Variants in C1orf105 observed in about 807,000 individuals in gnomAD.
C1orf105 encodes uncharacterized protein C1orf105.
Under a neutral mutation model 20.8 loss-of-function variants are expected in C1orf105, and 17 were observed. The ratio of observed to expected loss-of-function variants is 0.82; its 90% CI spans 0.56 to 1.23. The LOEUF (loss-of-function observed/expected upper bound fraction) is 1.23, where lower values mean the gene tolerates loss of function less well. C1orf105 is among the 50% of genes most tolerant of loss of function. The probability of loss-of-function intolerance (pLI) is 0.00; values close to 1 mark genes in which losing one functional copy is unlikely to be tolerated. For synonymous variants in C1orf105, 72 were observed against 72.1 expected, an observed-to-expected ratio of 1.00 and a Z score of 0.01; for missense variants, 219 against 213.5, an observed-to-expected ratio of 1.03 and a Z score of -0.16.
intron 1 of C1orf105, among the ~76,000 whole-genome samples, chr1:172,425,007 G>A (rs768227318): frequency 3.3e-5 from 5 of 152,194 alleles, no homozygotes; most frequent in Admixed American, 1.3e-4. Flanking sequence ...GCCAGGTTTC[G>A]TGGGAGCCTG....
Position 172,420,747 on chromosome 1 carries a change from G to A in C1orf105, c.-139G>A. On this transcript the variant is annotated 5_prime_UTR_variant, in exon 1 of 7. Transcript: ENST00000367727. The stretch of plus-strand genomic sequence containing the variant: ...CATACTGGTATTGAAACTGTAAACT[G>A]GCCTGTTTACTTCGTCTCCTAACAA... 1 of 737,216 alleles carries A rather than the reference G, an allele frequency of 1.4e-6. No individual in the cohort carries two copies. The highest frequency in any genetic ancestry group is 2.3e-6 in the Non-Finnish European group (1 of 427,752). The allele number at this position is 737,216 out of a possible 1,614,324, so 45.7% of individuals were successfully genotyped here. A position where few individuals can be genotyped will look rare whatever the true frequency, so the allele number is the denominator to read the frequency against.
At chr1:172,447,941 A>G (rs1002100044) in intron 2 of C1orf105, among the ~76,000 whole-genome samples, 1 of 152,222 alleles carries the variant, frequency 6.6e-6, no homozygotes, top group African/African-American at 2.4e-5. Flanking sequence ...TTGCAACATC[A>G]CTGCTTCAAC....
intron 1 of C1orf105, chr1:172,441,846 C>A: frequency 1.9e-6 from 3 of 1,614,148 alleles, no homozygotes; most frequent in Non-Finnish European, 2.5e-6. Context: ...ATGAGATAGA[C>A]ATCAGCAGAA....
intron 5 of C1orf105, 86 bp downstream of exon 5, chr1:172,462,331 G>A (rs1392989421): frequency 7.0e-5 from 72 of 1,021,882 alleles, no homozygotes; most frequent in Non-Finnish European, 5.7e-6. Flanking sequence ...CCTAGTAAGA[G>A]GAATGTTTAA....
intron 1 of C1orf105, among the ~76,000 whole-genome samples, chr1:172,440,892 A>G (rs1215666230): frequency 1.3e-5 from 2 of 152,256 alleles, no homozygotes; most frequent in African/African-American, 4.8e-5. Flanking sequence ...ATGCAGCACA[A>G]TAGCAGGTGT....
intron 1 of C1orf105, among the ~76,000 whole-genome samples, chr1:172,433,108 G>T (rs995348694): frequency 3.9e-5 from 6 of 152,194 alleles, no homozygotes; most frequent in Non-Finnish European, 8.8e-5. Context: ...CAAGAAATAT[G>T]GGACTATGTG....
intron 1 of C1orf105, among the ~76,000 whole-genome samples, chr1:172,429,996 A>G (rs989692686): frequency 6.6e-6 from 1 of 152,206 alleles, no homozygotes; most frequent in Non-Finnish European, 1.5e-5. Flanking sequence ...ACTTAGAGTG[A>G]TAAGAAGCAG....
chr1:172,425,377 A>T (rs1421013919), intron 1 of C1orf105, among the ~76,000 whole-genome samples: 1 of 152,170 alleles, frequency 6.6e-6, no homozygotes, highest in African/African-American at 2.4e-5. Context: ...GAGGAAAATG[A>T]TGTTTTAATT....
intron 3 of C1orf105, chr1:172,452,905 C>T (rs1459198281): frequency 6.7e-7 from 1 of 1,495,690 alleles, no homozygotes; most frequent in African/African-American, 1.4e-5. Context: ...ACAATTCCCT[C>T]TCCATTCCTG....
chr1:172,444,580 G>A (rs1647760693), intron 1 of C1orf105, among the ~76,000 whole-genome samples: 1 of 152,118 alleles, frequency 6.6e-6, no homozygotes, highest in East Asian at 1.9e-4. Context: ...CAAATCTAAG[G>A]CTCAGATAAG....
intron 1 of C1orf105, among the ~76,000 whole-genome samples, chr1:172,438,126 GAA>G (rs59822239): frequency 1.3e-5 from 2 of 148,570 alleles, no homozygotes; most frequent in Non-Finnish European, 3.0e-5. Context: ...CTACTGCTCA[GAA>G]AAAAAAAAGA....
chr1:172,430,187 T>C, intron 1 of C1orf105: 1 of 547,062 alleles, frequency 1.8e-6, no homozygotes, highest in Non-Finnish European at 3.3e-6. Flanking sequence ...ACTTGCACCC[T>C]TTCAGTGTGG....
At chr1:172,455,742 C>T (rs1321446299) in intron 3 of C1orf105, among the ~76,000 whole-genome samples, 2 of 152,200 alleles carry the variant, frequency 1.3e-5, no homozygotes, top group African/African-American at 2.4e-5. Flanking sequence ...TGCTTCTTCA[C>T]CTACTGAGAC....
chr1:172,425,702 TGAG>T (rs1386386372), intron 1 of C1orf105, among the ~76,000 whole-genome samples: 4 of 152,214 alleles, frequency 2.6e-5, no homozygotes, highest in Non-Finnish European at 4.4e-5. Flanking sequence ...TGCACTGTTC[TGAG>T]GAGGTTTGTG....
chr1:172,453,702 G>A (rs1281442563), intron 3 of C1orf105, among the ~76,000 whole-genome samples: 7 of 152,156 alleles, frequency 4.6e-5, no homozygotes, highest in Admixed American at 2.6e-4. Context: ...TCTCAGCCCG[G>A]TGGAGGAAAT....
Position 172,457,437 on chromosome 1 carries a change from G to A in C1orf105, c.273+948G>A, listed in dbSNP as rs148113185. 6.5e-4 allele frequency among the ~76,000 whole-genome samples: 99 copies of A among 152,300 alleles called. 1 individual carries two copies. The highest frequency in any genetic ancestry group is 6.8e-3 in the Middle Eastern group (2 of 294). ...TTCATGGCAAGTCTTAGGTCCAGTC[G>A]GATGTGAAAGAGAGTGGCACTTTTG... On this transcript the variant is annotated intron_variant, in intron 4 of 6. Transcript: ENST00000367727.
chr1:172,449,274 C>T (rs1388138861), intron 3 of C1orf105, among the ~76,000 whole-genome samples: 1 of 152,088 alleles, frequency 6.6e-6, no homozygotes, highest in East Asian at 1.9e-4. Flanking sequence ...AGTGAGTCAG[C>T]CGCAGCTACA....
intron 2 of C1orf105, among the ~76,000 whole-genome samples, chr1:172,447,878 T>G (rs1648187397): frequency 6.6e-6 from 1 of 152,186 alleles, no homozygotes; most frequent in South Asian, 2.1e-4. Flanking sequence ...TGAACCACAG[T>G]GCCAAGTGAG....
intron 3 of C1orf105, 123 bp from the exon 4 acceptor site, chr1:172,456,292 C>A (rs1391858605): frequency 1.8e-5 from 14 of 789,364 alleles, no homozygotes; most frequent in Non-Finnish European, 2.8e-5. Context: ...ACCAGAGTGC[C>A]CATCTCTGTT....
Sources: allele counts gnomAD v4.1 joint callset (sites outside exome capture counted in the v4.1 genomes callset), GRCh38; gene constraint gnomAD v4.1.1; transcripts MANE v1.5; gene names NCBI Gene and HGNC (gene_info 2026-07-23, HGNC 2026-07-21).